The following NALF1 variants were observed in gnomAD, a reference collection of about 807,000 sequenced individuals.
NALF1 encodes the protein family with sequence similarity 155 member A.
In NALF1, 3 loss-of-function variants were observed where a neutral mutation model predicts 48.4. The ratio of observed to expected loss-of-function variants is 0.06; its 90% CI spans 0.03 to 0.16. NALF1 has a LOEUF of 0.16. NALF1 is among the 10% of genes least tolerant of loss of function. The probability of loss-of-function intolerance (pLI) is 1.00; values close to 1 mark genes in which losing one functional copy is unlikely to be tolerated. For missense variants in NALF1, 526 were observed against 571.5 expected (o/e 0.92, Z 0.81); for synonymous variants, 262 against 245.7 (o/e 1.07, Z -0.62).
chr13:107,467,504 T>C (rs963515397), intron 1 of NALF1, among the ~76,000 whole-genome samples: 9 of 152,218 alleles, frequency 5.9e-5, no homozygotes, highest in Admixed American at 6.5e-5. Context: ...TAGCAGCATA[T>C]TCAATCCTAC....
intron 1 of NALF1, among the ~76,000 whole-genome samples, chr13:107,379,010 A>G (rs1330773719): frequency 3.3e-5 from 5 of 152,202 alleles, no homozygotes; most frequent in African/African-American, 1.2e-4. Context: ...CAGCATTTTG[A>G]ACAAAGTAAT....
At chr13:107,537,222 A>C (rs1274938328) in intron 1 of NALF1, among the ~76,000 whole-genome samples, 1 of 152,048 alleles carries the variant, frequency 6.6e-6, no homozygotes, top group Non-Finnish European at 1.5e-5. Context: ...TAGAACTTAA[A>C]GTATAATTTT....
At chr13:107,252,177 C>A (rs547023934) in intron 1 of NALF1, among the ~76,000 whole-genome samples, 1 of 152,142 alleles carries the variant, frequency 6.6e-6, no homozygotes, top group Non-Finnish European at 1.5e-5. Context: ...CACCTCCAAG[C>A]CCAGTCACGT....
chr13:107,544,546 G>C (rs1877083991), intron 1 of NALF1, among the ~76,000 whole-genome samples: 1 of 152,164 alleles, frequency 6.6e-6, no homozygotes, highest in Admixed American at 6.5e-5. Flanking sequence ...AACCATTTTT[G>C]CTGCTAAACT....
chr13:107,531,989 G>GAATTTGC (rs1479166404), intron 1 of NALF1, among the ~76,000 whole-genome samples: 2 of 152,060 alleles, frequency 1.3e-5, no homozygotes, highest in Non-Finnish European at 2.9e-5. Context: ...TAACGCAGCT[G>GAATTTGC]AATTTGCATA....
intron 1 of NALF1, among the ~76,000 whole-genome samples, chr13:107,636,316 G>C (rs923705162): frequency 6.6e-6 from 1 of 152,040 alleles, no homozygotes; most frequent in Non-Finnish European, 1.5e-5. Context: ...GAGTTTGCTC[G>C]AGCATCCATT....
At chr13:107,495,409 T>C (rs905484739) in intron 1 of NALF1, among the ~76,000 whole-genome samples, 1 of 152,196 alleles carries the variant, frequency 6.6e-6, no homozygotes, top group African/African-American at 2.4e-5. Flanking sequence ...ATGAAAATAG[T>C]TGATTTTTGA....
intron 1 of NALF1, among the ~76,000 whole-genome samples, chr13:107,821,105 G>C (rs1244554070): frequency 6.6e-6 from 1 of 152,012 alleles, no homozygotes; most frequent in Non-Finnish European, 1.5e-5. Context: ...GTTTCCTTAA[G>C]GACTGAAAGT....
At chr13:107,800,791 T>C (rs1878590715) in intron 1 of NALF1, among the ~76,000 whole-genome samples, 1 of 149,438 alleles carries the variant, frequency 6.7e-6, no homozygotes, top group Non-Finnish European at 1.5e-5. Context: ...TATTTAAATA[T>C]AGTACAGGTA....
rs572556466 is a variant in NALF1 at position 107,333,092 on chromosome 13, C to T, written c.916-122337G>A. ...AACTCTTGACCTCAAGTGATCTGCC[C>T]GCCTCGGCCTCCCAAAGTGCTGGGA... On this transcript the variant is annotated intron_variant, in intron 1 of 2. Coordinates refer to ENST00000375915, the MANE Select transcript of NALF1 (RefSeq NM_001080396.3). 2.2e-4 allele frequency among the ~76,000 whole-genome samples: 34 copies of T among 152,162 alleles called. 1 individual carries two copies. In the South Asian group the frequency reaches 6.4e-3, roughly 29 times the overall value.
chr13:107,853,527 T>C (rs995647080), intron 1 of NALF1, among the ~76,000 whole-genome samples: 3 of 152,214 alleles, frequency 2.0e-5, no homozygotes, highest in African/African-American at 7.2e-5. Flanking sequence ...GCTACTTTTA[T>C]GAAACAATTG....
At chr13:107,261,220 T>A (rs1207745409) in intron 1 of NALF1, among the ~76,000 whole-genome samples, 1 of 152,122 alleles carries the variant, frequency 6.6e-6, no homozygotes, top group Non-Finnish European at 1.5e-5. Context: ...GCAGGTGACA[T>A]CAGGGTGGAA....
chr13:107,171,479 C>T (rs1878803284), intron 2 of NALF1, among the ~76,000 whole-genome samples: 2 of 152,196 alleles, frequency 1.3e-5, no homozygotes, highest in African/African-American at 4.8e-5. Context: ...TTTGATCTGT[C>T]CTCCAATTGT....
intron 1 of NALF1, among the ~76,000 whole-genome samples, chr13:107,848,283 T>C (rs975224006): frequency 2.6e-5 from 4 of 152,146 alleles, no homozygotes; most frequent in African/African-American, 7.2e-5. Flanking sequence ...AGGTACATGA[T>C]CAAAGAGGGG....
At chr13:107,792,266 C>T (rs971072967) in intron 1 of NALF1, among the ~76,000 whole-genome samples, 18 of 152,066 alleles carry the variant, frequency 1.2e-4, no homozygotes, top group East Asian at 3.9e-4. Context: ...TCTTTACAAA[C>T]GTAATTCCAG....
rs1160288975 is a variant in NALF1 at position 107,473,230 on chromosome 13, CTTCAGCGCCAGGG to C, written c.916-262488_916-262476del. On this transcript the variant is annotated intron_variant, in intron 1 of 2. Transcript: ENST00000375915. ...TTTTTCATGAGTGTAGGTCTAGATT[CTTCAGCGCCAGGG>C]TCCTGGAAAGTAACAACCATTTTAC... 7.2e-5 allele frequency among the ~76,000 whole-genome samples: 11 copies of C among 151,814 alleles called. No homozygotes were observed. In the East Asian group the frequency reaches 2.2e-3, roughly 30 times the overall value.
intron 1 of NALF1, among the ~76,000 whole-genome samples, chr13:107,493,722 AAAAC>A (rs1233485798): frequency 6.6e-6 from 1 of 152,094 alleles, no homozygotes; most frequent in African/African-American, 2.4e-5. Context: ...AAAAAAAATA[AAAAC>A]AAACAAACAA....
At chr13:107,513,598 G>A (rs868117277) in intron 1 of NALF1, among the ~76,000 whole-genome samples, 90 of 152,162 alleles carry the variant, frequency 5.9e-4, no homozygotes, top group African/African-American at 2.0e-3. Context: ...ATAATAGAAA[G>A]CACAAGTATT....
intron 1 of NALF1, among the ~76,000 whole-genome samples, chr13:107,615,161 T>C (rs1424617492): frequency 1.3e-5 from 2 of 152,246 alleles, no homozygotes; most frequent in Non-Finnish European, 2.9e-5. Context: ...ACTTGACCTA[T>C]TCATCGTCCT....
Sources: gnomAD v4.1 joint callset for allele counts (sites outside exome capture counted in the v4.1 genomes callset) on GRCh38, gnomAD v4.1.1 for gene constraint, MANE v1.5 for transcripts, NCBI Gene and HGNC (gene_info 2026-07-23, HGNC 2026-07-21) for gene names.